The following PIEZO2 variants were observed in gnomAD, a reference collection of about 807,000 sequenced individuals.
The protein encoded by PIEZO2 is piezo type mechanosensitive ion channel component 2.
In PIEZO2, 172 loss-of-function variants were observed where a neutral mutation model predicts 337.3. The ratio of observed to expected loss-of-function variants is 0.51; its 90% CI spans 0.45 to 0.58. The LOEUF (loss-of-function observed/expected upper bound fraction) is 0.58, where lower values mean the gene tolerates loss of function less well. Among genes scored for constraint, PIEZO2 ranks in the 20% least tolerant of loss-of-function variants. PIEZO2 has a pLI of 0.00. For missense variants in PIEZO2, 3,028 were observed against 3,391.3 expected (o/e 0.89, Z 2.66); for synonymous variants, 1,251 against 1,228.5 (o/e 1.02, Z -0.38).
In PIEZO2 at chr18:10,748,213, A is replaced by G. The variant is rs2037503962; in HGVS notation, c.4424+258T>C. ...CTTCTAGAGAAGTGGTGGATTCTGCAAGGGCTTCAATTGACCAGTGAACCT... is the reference window on the plus strand; with the variant it reads ...CTTCTAGAGAAGTGGTGGATTCTGCGAGGGCTTCAATTGACCAGTGAACCT... On this transcript the variant is annotated intron_variant, in intron 30 of 55. Coordinates refer to ENST00000674853, the MANE Select transcript of PIEZO2 (RefSeq NM_001378183.1). This position sits in a 1 kb window ranked among gnomAD's most constrained non-coding sequence, Gnocchi z 5.1. Among the ~76,000 whole-genome samples the G allele has an allele frequency of 6.6e-6, 1 of 152,174 alleles. No homozygotes were observed. Among genetic ancestry groups the G allele is most frequent in the Admixed American group, 6.5e-5 (1 of 15,276 alleles).
chr18:10,811,787 T>C (rs1318516347), intron 7 of PIEZO2, among the ~76,000 whole-genome samples: 2 of 152,280 alleles, frequency 1.3e-5, no homozygotes, highest in Non-Finnish European at 2.9e-5. Flanking sequence ...AATGAAGCAA[T>C]AAATGAATGT....
chr18:10,981,968 T>C (rs984329860), intron 2 of PIEZO2, among the ~76,000 whole-genome samples: 3 of 152,150 alleles, frequency 2.0e-5, no homozygotes, highest in Non-Finnish European at 4.4e-5. Context: ...TTCCCTACTT[T>C]TGAGGGTTTG....
chr18:11,144,388 T>C (rs2040753704), intron 1 of PIEZO2, among the ~76,000 whole-genome samples: 1 of 152,214 alleles, frequency 6.6e-6, no homozygotes, highest in Non-Finnish European at 1.5e-5. Context: ...ATGCCTTCCA[T>C]GAATCCTTTG....
Position 10,759,845 on chromosome 18 carries a change from G to T in PIEZO2, c.3515C>A (p.Ala1172Asp), listed in dbSNP as rs1352691435. ...QRMDFYAMIH[A>D]CWLIAVLYRR... is the part of the protein sequence containing the mutation. ...ATATAAGACAGCGATCAGCCAGCAG[G>T]CGTGGATCATGGCATAGAAATCCAT... Residue 1172 changes from alanine to aspartate, a missense_variant, in exon 25 of 56, where the codon GCC becomes GAC. By Grantham distance (126) the Ala-to-Asp change is moderately radical. Coordinates refer to ENST00000674853, the MANE Select transcript of PIEZO2 (RefSeq NM_001378183.1). The surrounding 1 kb of genome is among the most constrained non-coding windows in gnomAD (Gnocchi z 5.5). The T allele has an allele frequency of 1.3e-6, 2 of 1,537,488 alleles. No individual in the cohort carries two copies. The highest frequency in any genetic ancestry group is 1.7e-6 in the Non-Finnish European group (2 of 1,146,968).
In PIEZO2 at chr18:11,001,511, A is replaced by G. The variant is rs1014934008; in HGVS notation, c.161-21851T>C. On this transcript the variant is annotated intron_variant, in intron 2 of 55. Transcript: ENST00000674853. This position sits in a 1 kb window ranked among gnomAD's most constrained non-coding sequence, Gnocchi z 5.3. ...GACTGTGATTATCCTCCAGTCCCCT[A>G]TGTAGCTGTATTTTGTTATGTGTTG... Among the ~76,000 whole-genome samples the G allele has an allele frequency of 1.3e-5, 2 of 151,994 alleles. No homozygotes were observed. Among genetic ancestry groups the G allele is most frequent in the African/African-American group, 2.4e-5 (1 of 41,378 alleles).
rs2034812369 is a variant in PIEZO2 at position 10,691,273 on chromosome 18, T to C, written c.7301A>G (p.Asn2434Ser). 2.5e-6 allele frequency: 4 copies of C among 1,613,990 alleles called. No individual in the cohort carries two copies. The highest frequency in any genetic ancestry group is 2.7e-5 in the African/African-American group (2 of 74,936). ...RCGYPTRVLG[N>S]FLTKSYNYVN... ...GTAATTGTAGCTCTTGGTGAGGAAGTTCCCCAGGACTCGCGTTGGGTAGCC... is the reference window on the plus strand; with the variant it reads ...GTAATTGTAGCTCTTGGTGAGGAAGCTCCCCAGGACTCGCGTTGGGTAGCC... Residue 2434 changes from asparagine (N) to serine (S), a missense_variant, in exon 48 of 56, where the codon AAC becomes AGC. Transcript: ENST00000674853.
chr18:10,741,950 G>A (rs903046997), intron 32 of PIEZO2, among the ~76,000 whole-genome samples: 18 of 152,046 alleles, frequency 1.2e-4, no homozygotes, highest in Non-Finnish European at 2.2e-4. Flanking sequence ...TCAGGAGATC[G>A]AGACCATCCG....
rs1360466891 is a variant in PIEZO2, at chr18:10,716,111, A to AGCGTGGATCCACTCTAC, written c.5090-312_5090-296dup. On this transcript the variant is annotated intron_variant, in intron 37 of 55. Transcript: ENST00000674853. This position sits in a 1 kb window ranked among gnomAD's most constrained non-coding sequence, Gnocchi z 4.1. Reference sequence around the variant, plus strand: ...CTGACCCTTGAACATGGGTTTGGACAGCGTGGATCCACTCTACGCGTGGAT... The same window carrying AGCGTGGATCCACTCTAC: ...CTGACCCTTGAACATGGGTTTGGACAGCGTGGATCCACTCTACGCGTGGATCCACTCTACGCGTGGAT... Among the ~76,000 whole-genome samples the AGCGTGGATCCACTCTAC allele has an allele frequency of 1.3e-5, 2 of 152,198 alleles. No individual in the cohort carries two copies. Among genetic ancestry groups the AGCGTGGATCCACTCTAC allele is most frequent in the Non-Finnish European group, 2.9e-5 (2 of 68,038 alleles).
chr18:10,803,079 C>G (rs1431763117), intron 9 of PIEZO2, among the ~76,000 whole-genome samples: 7 of 152,082 alleles, frequency 4.6e-5, no homozygotes, highest in Non-Finnish European at 1.0e-4. Context: ...AGTTGTAGTG[C>G]AGAATCTGCA....
intron 27 of PIEZO2, among the ~76,000 whole-genome samples, chr18:10,757,100 G>C (rs148083466): frequency 0.011 from 1,583 of 149,518 alleles, 35 homozygotes; most frequent in African/African-American, 0.037. Flanking sequence ...ATGGAGGATG[G>C]GGAGGAGAAA....
intron 3 of PIEZO2, among the ~76,000 whole-genome samples, chr18:10,976,965 T>G (rs898030871): frequency 1.8e-4 from 27 of 151,006 alleles, no homozygotes; most frequent in African/African-American, 6.6e-4. Flanking sequence ...ATTGTGACTT[T>G]TTGCCTGGGA....
intron 52 of PIEZO2, among the ~76,000 whole-genome samples, chr18:10,679,081 C>T (rs769528456): frequency 6.6e-6 from 1 of 151,966 alleles, no homozygotes; most frequent in African/African-American, 2.4e-5. Flanking sequence ...TACAGGCATG[C>T]GCTACTACCT....
chr18:11,023,641 G>A (rs370703341), intron 2 of PIEZO2, among the ~76,000 whole-genome samples: 25 of 152,352 alleles, frequency 1.6e-4, no homozygotes, highest in African/African-American at 3.6e-4. Flanking sequence ...GTCCCGTGCC[G>A]TGTGCCCACA....
rs2037267046 is a variant in PIEZO2 at position 10,742,575 on chromosome 18, C to A, written c.4555G>T (p.Gly1519Cys). The A allele has an allele frequency of 5.9e-6, 9 of 1,537,054 alleles. No individual in the cohort carries two copies. The highest frequency in any genetic ancestry group is 4.4e-6 in the Non-Finnish European group (5 of 1,146,882). Residue 1519 changes from glycine (G) to cysteine (C), a missense_variant, in exon 32 of 56, where the codon GGT (glycine) becomes TGT (cysteine). By Grantham distance (159) the Gly-to-Cys change is radical (BLOSUM62 -3). This residue lies in a region of PIEZO2 where 1,925 missense variants were observed against 2,051.9 expected (regional missense o/e 0.94). Transcript: ENST00000674853. ...GTCAAGCTCAGCATCCTCTCCTTAC[C>A]CTTTTTATATTTCTGTTGCCTGGCC... ...IKARQQKYKK[G>C]KERMLSLTQE...
At position 10,697,658 on chromosome 18, in the gene PIEZO2, A is replaced by G; in HGVS notation, c.6827+90T>C. ...GATAACATTTGTGACACGAGAAGTT[A>G]CTTCTCTGCTCTGCTCCTGGTTTAT... On this transcript the variant is annotated intron_variant, in intron 45 of 55. Coordinates refer to ENST00000674853, the MANE Select transcript of PIEZO2 (RefSeq NM_001378183.1). The G allele has an allele frequency of 2.7e-6, 4 of 1,488,492 alleles. No homozygotes were observed. The South Asian group carries it at 5.4e-5, about 20-fold the overall frequency. 92.2% of individuals were successfully genotyped at this position (1,488,492 alleles called of 1,614,324 possible). A position where few individuals can be genotyped will look rare whatever the true frequency, so the allele number is the denominator to read the frequency against.
intron 7 of PIEZO2, among the ~76,000 whole-genome samples, chr18:10,820,249 C>T (rs2040482470): frequency 6.6e-6 from 1 of 151,464 alleles, no homozygotes; most frequent in South Asian, 2.1e-4. Context: ...GCTGTTATTT[C>T]TTAATATACA....
intron 7 of PIEZO2, among the ~76,000 whole-genome samples, chr18:10,808,744 A>G (rs2040078873): frequency 6.6e-6 from 1 of 152,216 alleles, no homozygotes; most frequent in Admixed American, 6.5e-5. Flanking sequence ...GAATGGTAGA[A>G]CTTTCTGAAA....
intron 39 of PIEZO2, among the ~76,000 whole-genome samples, chr18:10,710,465 A>ATGCCCC (rs2035773192): frequency 6.6e-6 from 1 of 152,218 alleles, no homozygotes; most frequent in Non-Finnish European, 1.5e-5. Context: ...CTACCTGGGA[A>ATGCCCC]TGCCCCTCAG....
At chr18:10,710,812 C>A (rs1005511384) in intron 39 of PIEZO2, among the ~76,000 whole-genome samples, 39 of 152,216 alleles carry the variant, frequency 2.6e-4, no homozygotes, top group African/African-American at 8.4e-4. Context: ...TTCCAGCAAT[C>A]AGCATGGCTC....
Sources: allele counts gnomAD v4.1 joint callset (sites outside exome capture counted in the v4.1 genomes callset), GRCh38; gene constraint gnomAD v4.1.1; regional missense constraint gnomAD v4.1.1; non-coding constraint Gnocchi (gnomAD v3.1); transcripts MANE v1.5; gene names NCBI Gene and HGNC (gene_info 2026-07-23, HGNC 2026-07-21).